The following MAST2 variants were observed in gnomAD, a reference collection of about 807,000 sequenced individuals.
MAST2 encodes microtubule associated serine/threonine kinase 2.
Under a neutral mutation model 147.4 loss-of-function variants are expected in MAST2, and 70 were observed. The ratio of observed to expected loss-of-function variants is 0.47; its 90% CI spans 0.39 to 0.58. The LOEUF (loss-of-function observed/expected upper bound fraction) is 0.58, where lower values mean the gene tolerates loss of function less well. Among genes scored for constraint, MAST2 ranks in the 20% least tolerant of loss-of-function variants. The pLI, the probability that MAST2 is intolerant of heterozygous loss-of-function variation, is 0.00. For synonymous variants in MAST2, 869 were observed against 896.8 expected (o/e 0.97, Z 0.55); for missense variants, 2,080 against 2,302.3 (o/e 0.90, Z 1.98).
At chr1:45,856,158 A>G (rs1267394343) in intron 3 of MAST2, among the ~76,000 whole-genome samples, 1 of 152,196 alleles carries the variant, frequency 6.6e-6, no homozygotes, top group East Asian at 1.9e-4. Flanking sequence ...GTACACAGCA[A>G]ACTTGTAATT....
At chr1:45,814,091 G>A (rs1644381225) in intron 1 of MAST2, among the ~76,000 whole-genome samples, 1 of 152,166 alleles carries the variant, frequency 6.6e-6, no homozygotes, top group South Asian at 2.1e-4. Flanking sequence ...TAAAGGTACA[G>A]CACATAGAGT....
chr1:45,903,641 C>T (rs1650180355), intron 4 of MAST2, among the ~76,000 whole-genome samples: 1 of 152,042 alleles, frequency 6.6e-6, no homozygotes, highest in Non-Finnish European at 1.5e-5. Flanking sequence ...AATTTTATTC[C>T]ATGAGGTCTG....
At position 45,895,030 on chromosome 1, in the gene MAST2, C is replaced by T. The variant is rs115005829; in HGVS notation, c.500+12635C>T. 6.6e-3 allele frequency among the ~76,000 whole-genome samples: 1,011 copies of T among 152,242 alleles called. 12 individuals carry two copies. The highest frequency in any genetic ancestry group is 0.023 in the African/African-American group (975 of 41,526). On this transcript the variant is annotated intron_variant, in intron 4 of 28. Coordinates refer to ENST00000361297, the MANE Select transcript of MAST2 (RefSeq NM_015112.3). ...ATTAATAGATAGAACATTTTTCTTA[C>T]CCCCAAATATTCCTTCTGTAGTTTT...
In MAST2 at chr1:46,023,101, T is replaced by C; in HGVS notation, c.1485+130T>C. 8.4e-7 allele frequency: 1 copy of C among 1,191,546 alleles called. No individual in the cohort carries two copies. The highest frequency in any genetic ancestry group is 1.2e-6 in the Non-Finnish European group (1 of 802,430). The allele number at this position is 1,191,546 out of a possible 1,614,324, so 73.8% of individuals were successfully genotyped here. A position where few individuals can be genotyped will look rare whatever the true frequency, so the allele number is the denominator to read the frequency against. ...GGTGACAGCAAACACTGAGAAGTCA[T>C]TCTACTCCCAGAAGAATGAGCAGGA... is the stretch of plus-strand genomic sequence containing the variant. On this transcript the variant is annotated intron_variant, in intron 13 of 28. Coordinates refer to ENST00000361297, the MANE Select transcript of MAST2 (RefSeq NM_015112.3). This position sits in a 1 kb window ranked among gnomAD's most constrained non-coding sequence, Gnocchi z 4.9.
intron 3 of MAST2, among the ~76,000 whole-genome samples, chr1:45,835,615 CAT>C (rs939519144): frequency 5.9e-5 from 9 of 152,140 alleles, no homozygotes; most frequent in African/African-American, 2.2e-4. Context: ...TTTCAGATAA[CAT>C]AAAATTAACC....
chr1:45,993,832 T>G (rs1021955613), intron 5 of MAST2, among the ~76,000 whole-genome samples: 1 of 152,132 alleles, frequency 6.6e-6, no homozygotes, highest in Non-Finnish European at 1.5e-5. Flanking sequence ...CACCCATACT[T>G]CTGACAAAAT....
intron 4 of MAST2, among the ~76,000 whole-genome samples, chr1:45,940,772 A>G (rs1657137707): frequency 6.6e-6 from 1 of 152,020 alleles, no homozygotes; most frequent in Non-Finnish European, 1.5e-5. Flanking sequence ...GGCACCTGTC[A>G]CCACGCCCTG....
At chr1:45,935,331 C>A (rs1011776077) in intron 4 of MAST2, among the ~76,000 whole-genome samples, 1 of 152,166 alleles carries the variant, frequency 6.6e-6, no homozygotes, top group South Asian at 2.1e-4. Flanking sequence ...ATATTTTCTC[C>A]CATTCTCTAG....
intron 1 of MAST2, among the ~76,000 whole-genome samples, chr1:45,819,202 G>A (rs1027198339): frequency 1.3e-5 from 2 of 150,220 alleles, no homozygotes; most frequent in Non-Finnish European, 3.0e-5. Flanking sequence ...GCAGTGAGCC[G>A]AGATCATGCC....
intron 4 of MAST2, among the ~76,000 whole-genome samples, chr1:45,906,564 A>G (rs1341044790): frequency 6.7e-6 from 1 of 149,356 alleles, no homozygotes; most frequent in African/African-American, 2.4e-5. Context: ...TAAGTGTACA[A>G]TGTTTATATG....
chr1:45,815,897 G>T (rs1033287446), intron 1 of MAST2, among the ~76,000 whole-genome samples: 3 of 152,192 alleles, frequency 2.0e-5, no homozygotes, highest in African/African-American at 7.2e-5. Flanking sequence ...TGTGGCCTGT[G>T]CCTAGGAGGA....
intron 10 of MAST2, among the ~76,000 whole-genome samples, chr1:46,016,771 C>T (rs1398295289): frequency 4.6e-5 from 7 of 152,162 alleles, no homozygotes; most frequent in African/African-American, 1.7e-4. Context: ...ATAGATTCAA[C>T]ACCATCCCCA....
chr1:45,969,824 C>A (rs1475984411), intron 5 of MAST2, among the ~76,000 whole-genome samples: 1 of 152,114 alleles, frequency 6.6e-6, no homozygotes, highest in Non-Finnish European at 1.5e-5. Context: ...ACTTCCTGGT[C>A]CATGGAAAAA....
At chr1:46,015,647 G>C (rs1390776444) in intron 10 of MAST2, among the ~76,000 whole-genome samples, 4 of 152,098 alleles carry the variant, frequency 2.6e-5, no homozygotes, top group African/African-American at 9.7e-5. Flanking sequence ...TCTCTGAATA[G>C]ACCAATAACA....
At chr1:45,919,303 G>C (rs1320826425) in intron 4 of MAST2, among the ~76,000 whole-genome samples, 3 of 152,190 alleles carry the variant, frequency 2.0e-5, no homozygotes, top group African/African-American at 7.2e-5. Context: ...AAGTTTTAGA[G>C]GTTGGGGCGA....
chr1:45,850,511 T>A (rs577461046), intron 3 of MAST2, among the ~76,000 whole-genome samples: 27 of 152,200 alleles, frequency 1.8e-4, no homozygotes, highest in Non-Finnish European at 3.7e-4. Context: ...ATAAATTGTT[T>A]CCCAAGGTCA....
chr1:45,819,846 T>A (rs1425820375), intron 1 of MAST2, among the ~76,000 whole-genome samples: 2 of 152,154 alleles, frequency 1.3e-5, no homozygotes, highest in Non-Finnish European at 2.9e-5. Flanking sequence ...AAAACAATTC[T>A]AAAATTTACG....
chr1:45,908,943 G>A (rs1242839312), intron 4 of MAST2, among the ~76,000 whole-genome samples: 2 of 152,072 alleles, frequency 1.3e-5, no homozygotes, highest in African/African-American at 4.8e-5. Context: ...TGTATATTTT[G>A]TCTATTCTTA....
chr1:45,947,306 TAAAAAAAA>T (rs55827908), intron 4 of MAST2, among the ~76,000 whole-genome samples: 7 of 112,670 alleles, frequency 6.2e-5, no homozygotes, highest in African/African-American at 2.4e-4. Flanking sequence ...TGATGAGCTT[TAAAAAAAA>T]AAAAAAAAAA....
Sources: gnomAD v4.1 joint callset for allele counts (sites outside exome capture counted in the v4.1 genomes callset) on GRCh38, gnomAD v4.1.1 for gene constraint, Gnocchi (gnomAD v3.1) non-coding constraint, MANE v1.5 for transcripts, NCBI Gene and HGNC (gene_info 2026-07-23, HGNC 2026-07-21) for gene names.